The following CATSPERB variants were observed in gnomAD, a reference collection of about 807,000 sequenced individuals.
The protein encoded by CATSPERB is catsper channel auxiliary subunit beta, also known as cation channel sperm-associated auxiliary subunit beta.
CATSPERB carries 93 observed loss-of-function variants against 128.3 expected under a neutral mutation model. The ratio of observed to expected loss-of-function variants is 0.72; its 90% CI spans 0.61 to 0.86. The LOEUF is 0.86. CATSPERB is among the 40% of genes least tolerant of loss of function. The probability of loss-of-function intolerance (pLI) is 0.00; values close to 1 mark genes in which losing one functional copy is unlikely to be tolerated. For missense variants in CATSPERB, 1,153 were observed against 1,329.5 expected (o/e 0.87, Z 2.06); for synonymous variants, 381 against 448.8 (o/e 0.85, Z 1.91).
At chr14:91,658,377 A>G (rs1338574421) in intron 15 of CATSPERB, among the ~76,000 whole-genome samples, 4 of 152,046 alleles carry the variant, frequency 2.6e-5, no homozygotes, top group African/African-American at 4.8e-5. Context: ...AATGGTTACC[A>G]GAGGCTGGGA....
chr14:91,630,966 A>G (rs1894264721), intron 17 of CATSPERB, among the ~76,000 whole-genome samples: 1 of 152,198 alleles, frequency 6.6e-6, no homozygotes, highest in Non-Finnish European at 1.5e-5. Flanking sequence ...TTTATTAAAC[A>G]CATCCCAATT....
chr14:91,618,587 T>C (rs1190110414), intron 19 of CATSPERB, among the ~76,000 whole-genome samples: 1 of 152,214 alleles, frequency 6.6e-6, no homozygotes, highest in Non-Finnish European at 1.5e-5. Context: ...GAAGGGTACA[T>C]GCCCAGTTGA....
At chr14:91,604,694 T>C in intron 22 of CATSPERB, 1 of 1,613,348 alleles carries the variant, frequency 6.2e-7, no homozygotes, top group Non-Finnish European at 8.5e-7. Context: ...GTTCTGGGTC[T>C]GGTTGCTCCA....
At chr14:91,700,043 C>CATTT (rs1422470945) in intron 7 of CATSPERB, among the ~76,000 whole-genome samples, 1 of 152,046 alleles carries the variant, frequency 6.6e-6, no homozygotes, top group Non-Finnish European at 1.5e-5. Flanking sequence ...ATCAACCCAT[C>CATTT]ATTTACATTA....
In CATSPERB at chr14:91,670,746, A is replaced by G. The variant is rs141309509; in HGVS notation, c.1129-774T>C. 9.0e-3 allele frequency among the ~76,000 whole-genome samples: 1,368 copies of G among 152,056 alleles called. 16 individuals carry two copies. The highest frequency in any genetic ancestry group is 0.044 in the Middle Eastern group (13 of 294). On this transcript the variant is annotated intron_variant, in intron 13 of 26. Coordinates refer to ENST00000256343, the MANE Select transcript of CATSPERB (RefSeq NM_024764.4). ...TGGCCAGGCGCAGTGGCTTACGCCT[A>G]TAATCCCAGCACTTTGGGGGGCCGA...
intron 16 of CATSPERB, among the ~76,000 whole-genome samples, chr14:91,638,162 A>G (rs1456014678): frequency 6.6e-6 from 1 of 152,104 alleles, no homozygotes; most frequent in African/African-American, 2.4e-5. Flanking sequence ...GGTTTTACTA[A>G]CCCCAGTCAA....
At position 91,621,912 on chromosome 14, in the gene CATSPERB, T is replaced by C; in HGVS notation, c.1956A>G (p.Thr652=). 2 of 1,604,472 alleles carry C rather than the reference T, an allele frequency of 1.2e-6. No individual in the cohort carries two copies. The highest frequency in any genetic ancestry group is 1.7e-6 in the Non-Finnish European group (2 of 1,175,326). ...SQVVQALFED[T]DIEKTVVLPG... ...GAAGCACTACAGTCTTCTCTATATC[T>C]GTATCTTCAAACAAGGCCTGAACAA... Residue 652 remains threonine, a synonymous_variant, in exon 19 of 27, where the codon ACA becomes ACG. Transcript: ENST00000256343.
At chr14:91,585,147 G>T (rs1424375010) in intron 26 of CATSPERB, among the ~76,000 whole-genome samples, 1 of 152,080 alleles carries the variant, frequency 6.6e-6, no homozygotes, top group African/African-American at 2.4e-5. Flanking sequence ...CTCCAGAGTA[G>T]CTGGAACTAC....
chr14:91,727,055 ACTTGTACATGGG>A (rs1370440660), intron 2 of CATSPERB, among the ~76,000 whole-genome samples: 1 of 152,226 alleles, frequency 6.6e-6, no homozygotes, highest in Non-Finnish European at 1.5e-5. Flanking sequence ...GTTAAATTTG[ACTTGTACATGGG>A]CTTGGATATC....
intron 13 of CATSPERB, among the ~76,000 whole-genome samples, chr14:91,672,091 A>G (rs918156429): frequency 6.6e-6 from 1 of 152,062 alleles, no homozygotes; most frequent in Non-Finnish European, 1.5e-5. Context: ...TAACCTCATC[A>G]CTGAGTTTCC....
At chr14:91,677,287 A>G (rs1895206799) in intron 11 of CATSPERB, among the ~76,000 whole-genome samples, 1 of 125,282 alleles carries the variant, frequency 8.0e-6, no homozygotes, top group South Asian at 2.4e-4. Context: ...GGAACAGGCA[A>G]CCTACGAATG....
At chr14:91,673,594 T>C (rs1895137642) in intron 12 of CATSPERB, among the ~76,000 whole-genome samples, 1 of 152,082 alleles carries the variant, frequency 6.6e-6, no homozygotes, top group Admixed American at 6.5e-5. Flanking sequence ...TTTTAAAAAA[T>C]CCTTAATGTG....
chr14:91,616,904 G>T (rs921885327), intron 20 of CATSPERB, among the ~76,000 whole-genome samples: 1 of 151,734 alleles, frequency 6.6e-6, no homozygotes, highest in Non-Finnish European at 1.5e-5. Flanking sequence ...ACCATGCCTG[G>T]CTAATATTTT....
intron 7 of CATSPERB, 121 bp downstream of exon 7, chr14:91,704,431 G>A: frequency 1.0e-6 from 1 of 975,800 alleles, no homozygotes; most frequent in Non-Finnish European, 1.5e-6. Context: ...AAATTTTTAG[G>A]TATTTTTAGG....
At chr14:91,595,544 T>A (rs1893492504) in intron 22 of CATSPERB, among the ~76,000 whole-genome samples, 1 of 152,116 alleles carries the variant, frequency 6.6e-6, no homozygotes, top group Non-Finnish European at 1.5e-5. Flanking sequence ...GAATTTCCTC[T>A]CCTCTTGAGG....
rs1466147557 is a variant in CATSPERB at position 91,621,631 on chromosome 14, G to C, written c.2237C>G (p.Ala746Gly). The change falls in exon 19 of 27, where the codon GCT (alanine) becomes GGT (glycine). Residue 746 changes from alanine (A) to glycine (G), a missense_variant. Ala to Gly is a moderately conservative substitution (Grantham distance 60). Coordinates refer to ENST00000256343, the MANE Select transcript of CATSPERB (RefSeq NM_024764.4). ...IDLGNSYVLK[A>G]KVIRNAKGFR... ...ACCTTTTGCATTCCGTATGACCTTA[G>C]CTTTTAAAACATAAGAGTTTCCCAG... The C allele has an allele frequency of 6.2e-7, 1 of 1,605,272 alleles. No individual in the cohort carries two copies.
At chr14:91,658,852 C>T (rs1021138844) in intron 15 of CATSPERB, among the ~76,000 whole-genome samples, 1 of 149,974 alleles carries the variant, frequency 6.7e-6, no homozygotes, top group Non-Finnish European at 1.5e-5. Context: ...TTAAATTCAA[C>T]AAAACAAGAT....
Position 91,591,439 on chromosome 14 carries a change from A to C in CATSPERB, c.2820+453T>G, listed in dbSNP as rs554099045. Among the ~76,000 whole-genome samples, 264 of 152,142 alleles carry C rather than the reference A, an allele frequency of 1.7e-3. 2 individuals are homozygous for C. Among genetic ancestry groups the C allele is most frequent in the African/African-American group, 6.2e-3 (257 of 41,472 alleles). On this transcript the variant is annotated intron_variant, in intron 23 of 26. Transcript: ENST00000256343. ...TTGACACAGAAGCCTTCTCTTAACC[A>C]ACATATTACACCGTCTTTCATTTGT... is the stretch of plus-strand genomic sequence containing the variant.
rs561981551 is a variant in CATSPERB, at chr14:91,670,583, G to A, written c.1129-611C>T. Among the ~76,000 whole-genome samples the A allele has an allele frequency of 2.2e-3, 342 of 152,182 alleles. 1 individual carries two copies. The highest frequency in any genetic ancestry group is 7.9e-3 in the African/African-American group (329 of 41,496). ...TGTAGTCCCAGCTACTAATCAGGCT[G>A]GGGCAGAGGATCGCTTGAGCCAGGA... On this transcript the variant is annotated intron_variant, in intron 13 of 26. Transcript: ENST00000256343.
Sources: allele counts gnomAD v4.1 joint callset (sites outside exome capture counted in the v4.1 genomes callset), GRCh38; gene constraint gnomAD v4.1.1; transcripts MANE v1.5; gene names NCBI Gene and HGNC (gene_info 2026-07-23, HGNC 2026-07-21).